Variants in CTIF observed in about 807,000 individuals in gnomAD.
CTIF encodes CBP80/20-dependent translation initiation factor.
Under a neutral mutation model 66.0 loss-of-function variants are expected in CTIF, and 21 were observed. That is an observed-to-expected ratio of 0.32 (90% CI 0.23 to 0.46). The LOEUF is 0.46. Among genes scored for constraint, CTIF ranks in the 20% least tolerant of loss-of-function variants. The pLI is 1.00. For synonymous variants in CTIF, 345 were observed against 326.4 expected (o/e 1.06, Z -0.62); for missense variants, 739 against 812.7 (o/e 0.91, Z 1.10).
chr18:48,721,755 C>CG (rs1196225465), intron 7 of CTIF, among the ~76,000 whole-genome samples: 3 of 152,016 alleles, frequency 2.0e-5, no homozygotes, highest in African/African-American at 4.8e-5. Context: ...GTGCATCCCC[C>CG]CCTCTCTGTC....
intron 1 of CTIF, among the ~76,000 whole-genome samples, chr18:48,577,636 A>G (rs1448378601): frequency 6.6e-6 from 1 of 152,138 alleles, no homozygotes; most frequent in Non-Finnish European, 1.5e-5. Flanking sequence ...GCAGTAGTGC[A>G]ATCATGGCTT....
intron 1 of CTIF, among the ~76,000 whole-genome samples, chr18:48,560,545 A>G (rs1396660812): frequency 1.3e-5 from 2 of 151,510 alleles, no homozygotes; most frequent in Non-Finnish European, 2.9e-5. Context: ...TTTAACCATA[A>G]CAACTGGTCT....
At chr18:48,699,937 T>C (rs896648599) in intron 6 of CTIF, among the ~76,000 whole-genome samples, 13 of 152,196 alleles carry the variant, frequency 8.5e-5, no homozygotes, top group African/African-American at 3.1e-4. Context: ...GTCCCCCAGC[T>C]CTCCAATTCC....
intron 10 of CTIF, among the ~76,000 whole-genome samples, chr18:48,845,903 C>G (rs1409110797): frequency 3.9e-5 from 6 of 152,202 alleles, no homozygotes; most frequent in African/African-American, 1.4e-4. Flanking sequence ...ATATCCTCCT[C>G]CCTTCCTGCC....
At chr18:48,733,145 G>C (rs759350557) in intron 7 of CTIF, among the ~76,000 whole-genome samples, 4 of 152,112 alleles carry the variant, frequency 2.6e-5, no homozygotes, top group Non-Finnish European at 5.9e-5. Context: ...AGCTGCCCTG[G>C]GGAGGCAGTA....
chr18:48,570,110 A>G (rs1327518134), intron 1 of CTIF, among the ~76,000 whole-genome samples: 1 of 152,224 alleles, frequency 6.6e-6, no homozygotes, highest in African/African-American at 2.4e-5. Flanking sequence ...TGTGAGTGGA[A>G]GAGCAGAGAT....
chr18:48,643,462 C>A (rs80223503), intron 3 of CTIF, among the ~76,000 whole-genome samples: 1 of 152,214 alleles, frequency 6.6e-6, no homozygotes, highest in Admixed American at 6.5e-5. Flanking sequence ...TGCAGCATTC[C>A]TTCCTTCTGA....
rs183749106 is a variant in CTIF, at chr18:48,543,940, G to A, written c.-29+4628G>A. 2.6e-5 allele frequency among the ~76,000 whole-genome samples: 4 copies of A among 152,212 alleles called. No individual in the cohort carries two copies. The East Asian group carries it at 7.7e-4, about 29-fold the overall frequency. The stretch of plus-strand genomic sequence containing the variant: ...TTATCTTCATCTTTGGCATTCATGA[G>A]CAAATGAAGGTCTGTATTTGGGAAA... On this transcript the variant is annotated intron_variant, in intron 1 of 11. Coordinates refer to ENST00000256413, the MANE Select transcript of CTIF (RefSeq NM_014772.3).
At chr18:48,855,340 C>T (rs2069303885) in intron 10 of CTIF, among the ~76,000 whole-genome samples, 1 of 152,248 alleles carries the variant, frequency 6.6e-6, no homozygotes, top group African/African-American at 2.4e-5. Flanking sequence ...ATTCATTCCA[C>T]ATTCCACTCA....
chr18:48,691,695 C>T (rs1442716278), intron 6 of CTIF, among the ~76,000 whole-genome samples: 1 of 152,166 alleles, frequency 6.6e-6, no homozygotes, highest in East Asian at 1.9e-4. Context: ...GTCCAAGCAT[C>T]TTTGCTCACT....
intron 10 of CTIF, among the ~76,000 whole-genome samples, chr18:48,855,123 CTT>C (rs2069298072): frequency 6.6e-6 from 1 of 152,188 alleles, no homozygotes; most frequent in Admixed American, 6.5e-5. Flanking sequence ...GACTTTGTCT[CTT>C]TTGTTTTGGT....
rs185811685 is a variant in CTIF, at chr18:48,831,754, T to C, written c.1527+14378T>C. Among the ~76,000 whole-genome samples, 318 of 152,374 alleles carry C rather than the reference T, an allele frequency of 2.1e-3. 1 individual carries two copies. The highest frequency in any genetic ancestry group is 2.7e-3 in the Non-Finnish European group (182 of 68,044). ...GAAATTAATTTTATGCTGTCTAATA[T>C]ATCCAAATAATCACCATTTTAACGT... On this transcript the variant is annotated intron_variant, in intron 10 of 11. Coordinates refer to ENST00000256413, the MANE Select transcript of CTIF (RefSeq NM_014772.3).
chr18:48,748,344 G>A (rs780633817), intron 7 of CTIF, among the ~76,000 whole-genome samples: 3 of 151,986 alleles, frequency 2.0e-5, no homozygotes, highest in Non-Finnish European at 2.9e-5. Flanking sequence ...TGAGTACCAT[G>A]GTGACTTGGG....
intron 10 of CTIF, among the ~76,000 whole-genome samples, chr18:48,830,008 G>A (rs1439560258): frequency 2.0e-5 from 3 of 152,156 alleles, no homozygotes; most frequent in Non-Finnish European, 4.4e-5. Context: ...GAGTGTGGGC[G>A]GGGCCAGGCC....
At chr18:48,674,882 C>G (rs1209003096) in intron 6 of CTIF, among the ~76,000 whole-genome samples, 1 of 152,192 alleles carries the variant, frequency 6.6e-6, no homozygotes, top group East Asian at 1.9e-4. Context: ...GTCTTCCTTC[C>G]CACACTGGTG....
Position 48,817,313 on chromosome 18 carries a change from G to T in CTIF, c.1464G>T (p.Met488Ile). The T allele has an allele frequency of 1.2e-6, 2 of 1,613,962 alleles. No homozygotes were observed. Among genetic ancestry groups the T allele is most frequent in the South Asian group, 2.2e-5 (2 of 91,084 alleles). ...TCCTGTGCGAGGTCTTCGGCACCAT[G>T]CGCAGCAGCACAGGCGAGCCCTTCC... Reference protein sequence around the residue: ...ITFLCEVFGTMRSSTGEPFRV... With the variant: ...ITFLCEVFGTIRSSTGEPFRV... The change falls in exon 10 of 12, where the codon ATG (methionine) becomes ATT (isoleucine). Residue 488 changes from methionine (M) to isoleucine (I), a missense_variant. Met to Ile is a conservative substitution (Grantham distance 10). This residue lies in a region of CTIF where 210 missense variants were observed against 292.3 expected (regional missense o/e 0.72). Coordinates refer to ENST00000256413, the MANE Select transcript of CTIF (RefSeq NM_014772.3).
At position 48,722,431 on chromosome 18, in the gene CTIF, A is replaced by T. The variant is rs1351216754; in HGVS notation, c.584+10736A>T. Reference sequence around the variant, plus strand: ...AGACAGGGTTTTGCCATGTTGCCTAAGCTGGTCTTGAACCCCTGGCCTCAA... The same window carrying T: ...AGACAGGGTTTTGCCATGTTGCCTATGCTGGTCTTGAACCCCTGGCCTCAA... On this transcript the variant is annotated intron_variant, in intron 7 of 11. Coordinates refer to ENST00000256413, the MANE Select transcript of CTIF (RefSeq NM_014772.3). 3.0e-3 allele frequency among the ~76,000 whole-genome samples: 457 copies of T among 151,978 alleles called. 2 individuals are homozygous for T. Among genetic ancestry groups the T allele is most frequent in the African/African-American group, 0.01 (425 of 41,414 alleles).
At chr18:48,575,153 C>T (rs1418157273) in intron 1 of CTIF, among the ~76,000 whole-genome samples, 1 of 152,190 alleles carries the variant, frequency 6.6e-6, no homozygotes, top group Admixed American at 6.5e-5. Flanking sequence ...CCAAGCAGGC[C>T]GCCGTCAGGT....
chr18:48,571,168 TTTTGTTTG>T (rs553996628), intron 1 of CTIF, among the ~76,000 whole-genome samples: 18 of 151,910 alleles, frequency 1.2e-4, no homozygotes, highest in East Asian at 1.9e-4. Context: ...TTGGGTTTGT[TTTTGTTTG>T]TTTGTTTGTT....
Sources: gnomAD v4.1 joint callset for allele counts (sites outside exome capture counted in the v4.1 genomes callset) on GRCh38, gnomAD v4.1.1 for gene constraint, gnomAD v4.1.1 regional missense constraint, MANE v1.5 for transcripts, NCBI Gene and HGNC (gene_info 2026-07-23, HGNC 2026-07-21) for gene names.